CACNA1D: variants seen among roughly 807,000 people sequenced by gnomAD.
The protein encoded by CACNA1D is voltage-dependent L-type calcium channel subunit alpha-1D.
A neutral mutation model predicts 257.1 loss-of-function variants in CACNA1D; 55 were observed. The observed-to-expected ratio is 0.21, with a 90% confidence interval of 0.17 to 0.27. The LOEUF (loss-of-function observed/expected upper bound fraction) is 0.27, where lower values mean the gene tolerates loss of function less well. CACNA1D is among the 10% of genes least tolerant of loss of function. CACNA1D has a pLI of 1.00. For missense variants in CACNA1D, 1,876 were observed against 2,784.0 expected, an observed-to-expected ratio of 0.67 and a Z score of 7.34; for synonymous variants, 980 against 1,014.9, an observed-to-expected ratio of 0.97 and a Z score of 0.65.
At chr3:53,804,433 C>T (rs979104848) in intron 44 of CACNA1D, among the ~76,000 whole-genome samples, 18 of 152,182 alleles carry the variant, frequency 1.2e-4, no homozygotes, top group Admixed American at 8.5e-4. Context: ...TCCCCCCTGT[C>T]GAGGGCCTGC....
intron 3 of CACNA1D, among the ~76,000 whole-genome samples, chr3:53,526,978 T>C (rs2091789288): frequency 6.6e-6 from 1 of 152,234 alleles, no homozygotes. Flanking sequence ...CCACCCACAC[T>C]TGGATTTTGA....
At chr3:53,718,601 C>CCCCCCCCCCCAAAAAAA in intron 10 of CACNA1D, 1 of 1,103,204 alleles carries the variant, frequency 9.1e-7, no homozygotes, top group Non-Finnish European at 1.3e-6. Flanking sequence ...CCCCCCGGCC[C>CCCCCCCCCCCAAAAAAA]AGCATTTCAC....
At chr3:53,756,542 G>A (rs749926726) in intron 29 of CACNA1D, among the ~76,000 whole-genome samples, 8 of 152,316 alleles carry the variant, frequency 5.3e-5, no homozygotes, top group South Asian at 4.1e-4. Context: ...GTGGGTTCCC[G>A]AAGGGAAAGT....
intron 14 of CACNA1D, among the ~76,000 whole-genome samples, chr3:53,725,856 G>A (rs1037057386): frequency 3.3e-5 from 5 of 152,094 alleles, no homozygotes; most frequent in Admixed American, 6.5e-5. Flanking sequence ...GTCTGTCGTC[G>A]GAAGATAGCA....
chr3:53,769,927 T>C, intron 30 of CACNA1D, 46 bp from the exon 31 acceptor site: 2 of 1,430,624 alleles, frequency 1.4e-6, no homozygotes, highest in East Asian at 2.3e-5. Flanking sequence ...AACCATTGAC[T>C]CCTTCCTGGT....
At chr3:53,558,319 G>A (rs2092681927) in intron 3 of CACNA1D, among the ~76,000 whole-genome samples, 1 of 152,124 alleles carries the variant, frequency 6.6e-6, no homozygotes, top group Admixed American at 6.5e-5. Context: ...TGTTTATGAA[G>A]GATTGATGTG....
At position 53,525,600 on chromosome 3, in the gene CACNA1D, C is replaced by T. The variant is rs138404919; in HGVS notation, c.483+23880C>T. On this transcript the variant is annotated intron_variant, in intron 3 of 47. Coordinates refer to ENST00000350061, the MANE Select transcript of CACNA1D (RefSeq NM_001128840.3). ...GGGCCTTGCAGGTTTTTGTTATTTT[C>T]TGCTTGGGTGTAGGTTTTGCTTTGC... Among the ~76,000 whole-genome samples, 946 of 152,144 alleles carry T rather than the reference C, an allele frequency of 6.2e-3. 12 individuals carry two copies. Among genetic ancestry groups the T allele is most frequent in the African/African-American group, 0.022 (908 of 41,504 alleles).
At chr3:53,637,325 A>T (rs2093895794) in intron 3 of CACNA1D, among the ~76,000 whole-genome samples, 1 of 152,226 alleles carries the variant, frequency 6.6e-6, no homozygotes, top group African/African-American at 2.4e-5. Flanking sequence ...CTGGAATAAT[A>T]AGATCGTAGG....
intron 3 of CACNA1D, 124 bp downstream of exon 3, chr3:53,501,844 C>T (rs2090616152): frequency 1.5e-6 from 1 of 686,802 alleles, no homozygotes; most frequent in Admixed American, 2.2e-5. Flanking sequence ...TTTCTTGGAG[C>T]TTTGCAACAG....
At chr3:53,639,080 T>C (rs1559452137) in intron 3 of CACNA1D, among the ~76,000 whole-genome samples, 1 of 152,196 alleles carries the variant, frequency 6.6e-6, no homozygotes, top group African/African-American at 2.4e-5. Context: ...ATTGTTCACG[T>C]TGACTGTAGC....
At chr3:53,732,152 G>A (rs1165240349) in intron 18 of CACNA1D, 70 bp downstream of exon 18, 15 of 1,222,102 alleles carry the variant, frequency 1.2e-5, no homozygotes, top group African/African-American at 4.5e-5. Context: ...ACCACCTGCC[G>A]AGTCTGCGGC....
At chr3:53,732,719 TAA>T in intron 18 of CACNA1D, 94 bp from the exon 19 acceptor site, 1 of 1,194,000 alleles carries the variant, frequency 8.4e-7, no homozygotes, top group Non-Finnish European at 1.2e-6. Context: ...TAGATGTTGT[TAA>T]AGTTTAAGCC....
chr3:53,497,115 T>TAA, intron 1 of CACNA1D, 37 bp from the exon 2 acceptor site: 2 of 1,305,722 alleles, frequency 1.5e-6, no homozygotes, highest in Non-Finnish European at 2.1e-6. Context: ...GATCCTCATT[T>TAA]AAAAAAAAAA....
chr3:53,759,619 T>G (rs1039279408), intron 29 of CACNA1D, among the ~76,000 whole-genome samples: 1 of 152,228 alleles, frequency 6.6e-6, no homozygotes, highest in Non-Finnish European at 1.5e-5. Context: ...CACTGTGCTT[T>G]CTTTAGCTTT....
At chr3:53,600,218 C>T (rs904095687) in intron 3 of CACNA1D, among the ~76,000 whole-genome samples, 8 of 152,196 alleles carry the variant, frequency 5.3e-5, no homozygotes, top group Admixed American at 2.6e-4. Context: ...CTTATTTCAC[C>T]CTTTGGGGGA....
intron 3 of CACNA1D, among the ~76,000 whole-genome samples, chr3:53,516,266 A>AC (rs1017020784): frequency 6.6e-6 from 1 of 151,928 alleles, no homozygotes; most frequent in Non-Finnish European, 1.5e-5. Flanking sequence ...CTTTTCCTAT[A>AC]CCCCCCTTGA....
At chr3:53,744,184 C>G (rs1430756594) in intron 22 of CACNA1D, among the ~76,000 whole-genome samples, 1 of 152,040 alleles carries the variant, frequency 6.6e-6, no homozygotes, top group Non-Finnish European at 1.5e-5. Context: ...TCCTTTGGGA[C>G]TCACCTGGCT....
intron 29 of CACNA1D, among the ~76,000 whole-genome samples, chr3:53,760,512 A>G (rs2108937793): frequency 6.6e-6 from 1 of 152,334 alleles, no homozygotes; most frequent in Non-Finnish European, 1.5e-5. Flanking sequence ...CTCTTTGGAA[A>G]AACACAGTTG....
chr3:53,526,865 T>C (rs770757803), intron 3 of CACNA1D, among the ~76,000 whole-genome samples: 33 of 152,356 alleles, frequency 2.2e-4, no homozygotes, highest in Middle Eastern at 3.4e-3. Flanking sequence ...GCTATTGTTA[T>C]TATCTCCTAA....
Sources: gnomAD v4.1 joint callset for allele counts (sites outside exome capture counted in the v4.1 genomes callset) on GRCh38, gnomAD v4.1.1 for gene constraint, MANE v1.5 for transcripts, NCBI Gene and HGNC (gene_info 2026-07-23, HGNC 2026-07-21) for gene names.